Variants in GRXCR2 observed in about 807,000 individuals in gnomAD.
GRXCR2 encodes glutaredoxin and cysteine rich domain containing 2.
A neutral mutation model predicts 24.8 loss-of-function variants in GRXCR2; 23 were observed. That is an observed-to-expected ratio of 0.93 (90% CI 0.67 to 1.32). The LOEUF is 1.32. GRXCR2 is among the 40% of genes most tolerant of loss of function. The pLI is 0.00. For synonymous variants in GRXCR2, 130 were observed against 116.1 expected (o/e 1.12, Z -0.77); for missense variants, 315 against 303.4 (o/e 1.04, Z -0.28).
At chr5:145,866,463 G>T in intron 2 of GRXCR2, 38 bp downstream of exon 2, 2 of 1,487,028 alleles carry the variant, frequency 1.3e-6, no homozygotes, top group Non-Finnish European at 1.9e-6. Flanking sequence ...TTGCTGTAGG[G>T]CCAGCTCCGA....
At chr5:145,874,047 TG>T (rs1372619757), upstream of GRXCR2, among the ~76,000 whole-genome samples, 1 of 152,162 alleles carries the variant, frequency 6.6e-6, no homozygotes, top group Non-Finnish European at 1.5e-5. Context: ...GCCCTTGGGC[TG>T]GGTAGAAAAT....
chr5:145,865,203 C>T (rs1399616604), intron 2 of GRXCR2, among the ~76,000 whole-genome samples: 1 of 152,144 alleles, frequency 6.6e-6, no homozygotes, highest in Non-Finnish European at 1.5e-5. Flanking sequence ...CAGGAGATTA[C>T]AGTGAATCCC....
chr5:145,926,174 G>A (rs1757392419), intron 2 of GRXCR2, among the ~76,000 whole-genome samples: 1 of 152,094 alleles, frequency 6.6e-6, no homozygotes, highest in African/African-American at 2.4e-5. Context: ...CTTTTCTTTA[G>A]TAAGGCACAG....
At chr5:145,904,976 A>C (rs965774473) in intron 2 of GRXCR2, among the ~76,000 whole-genome samples, 2 of 152,266 alleles carry the variant, frequency 1.3e-5, no homozygotes, top group East Asian at 3.9e-4. Context: ...GCAAGTCCGC[A>C]TGCACCGTGA....
intron 2 of GRXCR2, among the ~76,000 whole-genome samples, chr5:145,896,916 A>C (rs1337645706): frequency 6.6e-6 from 1 of 152,150 alleles, no homozygotes; most frequent in Non-Finnish European, 1.5e-5. Context: ...TGGATTAAGA[A>C]AATGTGGCAC....
rs1756558140 is a variant in GRXCR2 at position 145,872,908 on chromosome 5, A to G, written c.61T>C (p.Phe21Leu). The G allele has an allele frequency of 6.2e-7, 1 of 1,614,152 alleles. No homozygotes were observed. The highest frequency in any genetic ancestry group is 8.5e-7 in the Non-Finnish European group (1 of 1,180,022). The change falls in exon 1 of 3, where the codon TTT (phenylalanine) becomes CTT (leucine). Residue 21 changes from phenylalanine to leucine, a missense_variant. Transcript: ENST00000377976. ...KSDGKPRKVR[F>L]KISSSYSGRV... ...CCGCTGTAGGAGGAGGAGATTTTAA[A>G]TCGTACTTTCCGGGGTTTGCCATCA...
At chr5:145,904,973 C>T (rs371601533) in intron 2 of GRXCR2, among the ~76,000 whole-genome samples, 5 of 152,090 alleles carry the variant, frequency 3.3e-5, no homozygotes, top group Admixed American at 6.6e-5. Flanking sequence ...CAAGCAAGTC[C>T]GCATGCACCG....
intron 2 of GRXCR2, among the ~76,000 whole-genome samples, chr5:145,890,383 C>A (rs1238861991): frequency 6.6e-6 from 1 of 152,138 alleles, no homozygotes; most frequent in Non-Finnish European, 1.5e-5. Flanking sequence ...AGCCACTGCA[C>A]CTGGCAGGAA....
chr5:145,917,362 T>A (rs951494016), intron 2 of GRXCR2, among the ~76,000 whole-genome samples: 3 of 152,000 alleles, frequency 2.0e-5, no homozygotes, highest in Non-Finnish European at 4.4e-5. Flanking sequence ...CAGTTGGAGA[T>A]CAGTGTAAGG....
At chr5:145,871,947 C>A (rs907796690) in intron 1 of GRXCR2, among the ~76,000 whole-genome samples, 6 of 152,268 alleles carry the variant, frequency 3.9e-5, no homozygotes, top group Middle Eastern at 6.8e-3. Context: ...CCAGGTTCTA[C>A]CTTAAAAGAA....
chr5:145,860,531 A>G (rs1218382194), intron 2 of GRXCR2, among the ~76,000 whole-genome samples: 1 of 152,210 alleles, frequency 6.6e-6, no homozygotes, highest in African/African-American at 2.4e-5. Context: ...AGTTGTCCAT[A>G]GTAAATGCCC....
intron 2 of GRXCR2, among the ~76,000 whole-genome samples, chr5:145,913,816 T>C (rs1310242712): frequency 6.6e-6 from 1 of 152,112 alleles, no homozygotes; most frequent in Non-Finnish European, 1.5e-5. Context: ...CATGAGACCA[T>C]GCCTAGCTGG....
intron 2 of GRXCR2, among the ~76,000 whole-genome samples, chr5:145,907,107 G>C (rs1271075260): frequency 6.6e-6 from 1 of 152,128 alleles, no homozygotes; most frequent in Non-Finnish European, 1.5e-5. Context: ...GGTCAGATGA[G>C]ATTAGAGTGA....
In GRXCR2 at chr5:145,859,595, T is replaced by C; in HGVS notation, c.*138A>G. 2.9e-6 allele frequency: 2 copies of C among 701,602 alleles called. No homozygotes were observed. Among genetic ancestry groups the C allele is most frequent in the South Asian group, 3.6e-5 (2 of 55,286 alleles). 43.5% of individuals were successfully genotyped at this position (701,602 alleles called of 1,614,324 possible). ...GCCTCACAAAATGTCATCAGATAAT[T>C]GAGTTTTGCCAGCAGTGGGAGTGAC... is the stretch of plus-strand genomic sequence containing the variant. On this transcript the variant is annotated 3_prime_UTR_variant, in exon 3 of 3. Transcript: ENST00000377976.
At chr5:145,882,672 G>T (rs1292246477) in intron 2 of GRXCR2, among the ~76,000 whole-genome samples, 2 of 152,096 alleles carry the variant, frequency 1.3e-5, no homozygotes, top group Non-Finnish European at 2.9e-5. Context: ...CCATTACTGG[G>T]TATATACCCA....
At chr5:145,931,344 C>T (rs867781527) in intron 2 of GRXCR2, among the ~76,000 whole-genome samples, 1 of 152,158 alleles carries the variant, frequency 6.6e-6, no homozygotes, top group Middle Eastern at 3.2e-3. Flanking sequence ...AAACCATGCT[C>T]TTGACTGCTG....
chr5:145,859,386 A>G lies in GRXCR2; in HGVS notation c.*347T>C, dbSNP rs1323068676. ...TCCTTTCTCACCACATAATTTTGCA[A>G]AATAACTCCCAACCTGATGCCTGAA... On this transcript the variant is annotated 3_prime_UTR_variant, in exon 3 of 3. Coordinates refer to ENST00000377976, the MANE Select transcript of GRXCR2 (RefSeq NM_001080516.2). 4.3e-6 allele frequency: 1 copy of G among 231,016 alleles called. No homozygotes were observed. Among genetic ancestry groups the G allele is most frequent in the African/African-American group, 2.3e-5 (1 of 44,000 alleles). The allele number at this position is 231,016 out of a possible 1,614,324, so 14.3% of individuals were successfully genotyped here.
chr5:145,885,757 G>T (rs1756771741), intron 2 of GRXCR2, among the ~76,000 whole-genome samples: 1 of 152,174 alleles, frequency 6.6e-6, no homozygotes, highest in Admixed American at 6.6e-5. Flanking sequence ...TTGATTTCAT[G>T]AGGTCAGTAT....
intron 2 of GRXCR2, among the ~76,000 whole-genome samples, chr5:145,887,934 A>ATC (rs1756799731): frequency 6.6e-6 from 1 of 152,248 alleles, no homozygotes; most frequent in Non-Finnish European, 1.5e-5. Flanking sequence ...TTTGTTTTTA[A>ATC]AATATGTAGT....
Sources: gnomAD v4.1 joint callset for allele counts (sites outside exome capture counted in the v4.1 genomes callset) on GRCh38, gnomAD v4.1.1 for gene constraint, MANE v1.5 for transcripts, NCBI Gene and HGNC (gene_info 2026-07-23, HGNC 2026-07-21) for gene names.